The following ZFP91 variants were observed in gnomAD, a reference collection of about 807,000 sequenced individuals.
The protein encoded by ZFP91 is ZFP91 zinc finger protein, atypical E3 ubiquitin ligase.
A neutral mutation model predicts 63.5 loss-of-function variants in ZFP91; 7 were observed. The ratio of observed to expected loss-of-function variants is 0.11; its 90% CI spans 0.06 to 0.21. The LOEUF (loss-of-function observed/expected upper bound fraction) is 0.21. Ranked by LOEUF, ZFP91 falls within the 10% of genes least tolerant of loss-of-function variation. The pLI is 1.00. For synonymous variants in ZFP91, 330 were observed against 272.1 expected (o/e 1.21, Z -2.10); for missense variants, 628 against 736.6 (o/e 0.85, Z 1.71).
At chr11:58,579,724 TG>T in intron 1 of ZFP91, 102 bp downstream of exon 1, 5 of 1,159,802 alleles carry the variant, frequency 4.3e-6, no homozygotes, top group Non-Finnish European at 5.7e-6. Context: ...CTGCCTGGTC[TG>T]CCCCCTGCCG....
chr11:58,586,419 C>T (rs1264242734), intron 2 of ZFP91, among the ~76,000 whole-genome samples: 2 of 152,034 alleles, frequency 1.3e-5, no homozygotes, highest in East Asian at 1.9e-4. Context: ...CCGCCTGCCT[C>T]GTGTGTAAAT....
At chr11:58,603,740 T>C (rs1410398159) in intron 2 of ZFP91, among the ~76,000 whole-genome samples, 1 of 152,214 alleles carries the variant, frequency 6.6e-6, no homozygotes, top group Non-Finnish European at 1.5e-5. Context: ...AGCTTATTCT[T>C]AGGGCTTAAA....
Position 58,612,816 on chromosome 11 carries a change from C to T in ZFP91, c.963C>T (p.Val321=). Residue 321 remains valine (V), a synonymous_variant, in exon 8 of 11, where the codon GTC becomes GTT. Coordinates refer to ENST00000316059, the MANE Select transcript of ZFP91 (RefSeq NM_053023.5). ...GTGAGATGGAAGGATGTGGAACTGTCCTTGCCCATCCTCGCTATTTGCAGG... is the reference window on the plus strand; with the variant it reads ...GTGAGATGGAAGGATGTGGAACTGTTCTTGCCCATCCTCGCTATTTGCAGG... The part of the protein sequence containing the change: ...VRCEMEGCGT[V]LAHPRYLQHH... 1 of 1,612,230 alleles carries T rather than the reference C, an allele frequency of 6.2e-7. No individual in the cohort carries two copies. The highest frequency in any genetic ancestry group is 8.5e-7 in the Non-Finnish European group (1 of 1,179,266).
rs769267598 is a variant in ZFP91, at chr11:58,609,921, T to C, written c.462T>C (p.Ser154=). ...AASRPSRGWR[S]SRTSVSRHRD... is the part of the protein sequence containing the mutation. The stretch of plus-strand genomic sequence containing the variant: ...CTAGACCTAGCCGGGGCTGGCGTAG[T>C]AGTAGGACATCTGTTTCTCGCCATC... Residue 154 remains serine (S), a synonymous_variant, in exon 3 of 11, where the codon AGT becomes AGC. Coordinates refer to ENST00000316059, the MANE Select transcript of ZFP91 (RefSeq NM_053023.5). The C allele has an allele frequency of 3.1e-6, 5 of 1,614,048 alleles. No individual in the cohort carries two copies. The highest frequency in any genetic ancestry group is 4.2e-6 in the Non-Finnish European group (5 of 1,180,026).
chr11:58,585,972 C>G (rs1855201673), intron 2 of ZFP91, among the ~76,000 whole-genome samples: 1 of 150,264 alleles, frequency 6.7e-6, no homozygotes, highest in African/African-American at 2.4e-5. Context: ...GTATAGCAGG[C>G]AGAGGTTTTT....
chr11:58,594,045 C>A (rs780002724), intron 2 of ZFP91, among the ~76,000 whole-genome samples: 4 of 152,166 alleles, frequency 2.6e-5, no homozygotes, highest in Non-Finnish European at 4.4e-5. Flanking sequence ...CTTGCCCCTA[C>A]CTAGCTCATT....
intron 2 of ZFP91, among the ~76,000 whole-genome samples, chr11:58,605,141 A>C (rs1392939939): frequency 6.6e-6 from 1 of 151,830 alleles, no homozygotes; most frequent in Non-Finnish European, 1.5e-5. Flanking sequence ...AGTACTTTAA[A>C]CTTTATCTAG....
Position 58,610,957 on chromosome 11 carries a change from G to A in ZFP91, c.625G>A (p.Glu209Lys), listed in dbSNP as rs908122460. 1.9e-6 allele frequency: 3 copies of A among 1,611,342 alleles called. No individual in the cohort carries two copies. The African/African-American group carries it at 4.0e-5, about 22-fold the overall frequency. ...CTATTTACTTATTTTTAGTAGTGAA[G>A]AGGAAGAGGAGGAGGAAGAAGAGAT... ...HQSPGGISSE[E>K]EEEEEEEMLI... Residue 209 changes from glutamate (E) to lysine (K), a missense_variant, in exon 5 of 11, where the codon GAG (glutamate) becomes AAG (lysine). Glu to Lys is a moderately conservative substitution (Grantham distance 56). Transcript: ENST00000316059.
chr11:58,587,285 G>A (rs1855227643), intron 2 of ZFP91, among the ~76,000 whole-genome samples: 1 of 152,150 alleles, frequency 6.6e-6, no homozygotes, highest in African/African-American at 2.4e-5. Flanking sequence ...TCCACTATGT[G>A]TCTGGCGCTA....
At chr11:58,588,465 T>C (rs1421683020) in intron 2 of ZFP91, among the ~76,000 whole-genome samples, 1 of 152,206 alleles carries the variant, frequency 6.6e-6, no homozygotes, top group Admixed American at 6.5e-5. Context: ...TCAGTTTTTT[T>C]CTTATATTGA....
chr11:58,607,791 C>T (rs1228205485), intron 2 of ZFP91, among the ~76,000 whole-genome samples: 1 of 151,892 alleles, frequency 6.6e-6, no homozygotes, highest in Non-Finnish European at 1.5e-5. Context: ...CTGATAATTC[C>T]ATGTCATTTT....
intron 5 of ZFP91, chr11:58,611,315 G>T: frequency 2.1e-6 from 1 of 482,230 alleles, no homozygotes; most frequent in Non-Finnish European, 3.6e-6. Flanking sequence ...ATCATGAATT[G>T]CCTGAATACT....
intron 2 of ZFP91, among the ~76,000 whole-genome samples, chr11:58,601,476 C>T (rs1295691438): frequency 6.6e-6 from 1 of 152,158 alleles, no homozygotes; most frequent in South Asian, 2.1e-4. Flanking sequence ...TCTTATTAAC[C>T]AAAAGTTTGT....
Position 58,611,384 on chromosome 11 carries a change from C to T in ZFP91, c.723-220C>T, listed in dbSNP as rs1855659983. The T allele has an allele frequency of 1.0e-5, 6 of 571,660 alleles. No homozygotes were observed. The South Asian group carries it at 1.1e-4, about 11-fold the overall frequency. The allele number at this position is 571,660 out of a possible 1,614,324, so 35.4% of individuals were successfully genotyped here. Reference sequence around the variant, plus strand: ...TACAATTATAGTGAAATTTGATTTACAGGCATCTTTAGTCTGGGGAGGGTT... The same window carrying T: ...TACAATTATAGTGAAATTTGATTTATAGGCATCTTTAGTCTGGGGAGGGTT... On this transcript the variant is annotated intron_variant, in intron 5 of 10. Transcript: ENST00000316059.
At position 58,618,423 on chromosome 11, in the gene ZFP91, C is replaced by A. The variant is rs1046871352; in HGVS notation, c.*717C>A. 8.9e-5 allele frequency: 27 copies of A among 303,720 alleles called. No individual in the cohort carries two copies. The highest frequency in any genetic ancestry group is 6.1e-4 in the African/African-American group (27 of 44,614). The allele number at this position is 303,720 out of a possible 1,614,324, so 18.8% of individuals were successfully genotyped here. ...AAGCAGGCTCCCAATAGGGAGGGGG[C>A]TGCCCTCTACAGTCTCTTTGACTGT... On this transcript the variant is annotated 3_prime_UTR_variant, in exon 11 of 11. Transcript: ENST00000316059.
At chr11:58,601,747 T>A (rs2134408532) in intron 2 of ZFP91, among the ~76,000 whole-genome samples, 1 of 152,302 alleles carries the variant, frequency 6.6e-6, no homozygotes, top group Middle Eastern at 3.4e-3. Flanking sequence ...TAATTTTCCT[T>A]GTGATTTATT....
At chr11:58,612,933 T>C in intron 8 of ZFP91, 93 bp downstream of exon 8, 1 of 1,103,456 alleles carries the variant, frequency 9.1e-7, no homozygotes, top group Non-Finnish European at 1.3e-6. Context: ...TGTGTAGGCT[T>C]TATCATTGAC....
In ZFP91 at chr11:58,610,934, A is replaced by G. The variant is rs539900935; in HGVS notation, c.618-16A>G. 13 of 1,605,820 alleles carry G rather than the reference A, an allele frequency of 8.1e-6. No individual in the cohort carries two copies. The African/African-American group carries it at 1.3e-4, about 16-fold the overall frequency. On this transcript the variant is annotated splice_polypyrimidine_tract_variant and intron_variant, in intron 4 of 10. Transcript: ENST00000316059. ...GCTACAACCAGAATGTCTCATTTCT[A>G]TTTACTTATTTTTAGTAGTGAAGAG...
intron 1 of ZFP91, among the ~76,000 whole-genome samples, chr11:58,582,414 A>G (rs1331868644): frequency 2.0e-5 from 3 of 152,190 alleles, no homozygotes; most frequent in Non-Finnish European, 2.9e-5. Context: ...ATTCTGTATT[A>G]CTTACTTGTT....
Sources: gnomAD v4.1 joint callset for allele counts (sites outside exome capture counted in the v4.1 genomes callset) on GRCh38, gnomAD v4.1.1 for gene constraint, MANE v1.5 for transcripts, NCBI Gene and HGNC (gene_info 2026-07-23, HGNC 2026-07-21) for gene names.